The following SOX6 variants were observed in gnomAD, a reference collection of about 807,000 sequenced individuals.
The protein encoded by SOX6 is SRY-box transcription factor 6.
Under a neutral mutation model 97.8 loss-of-function variants are expected in SOX6, and 11 were observed. The ratio of observed to expected loss-of-function variants is 0.11; its 90% CI spans 0.07 to 0.19. The LOEUF (loss-of-function observed/expected upper bound fraction) is 0.19. SOX6 is among the 10% of genes least tolerant of loss of function. The probability of loss-of-function intolerance (pLI) is 1.00; values close to 1 mark genes in which losing one functional copy is unlikely to be tolerated. For synonymous variants in SOX6, 360 were observed against 371.4 expected (o/e 0.97, Z 0.35); for missense variants, 810 against 1,039.5 (o/e 0.78, Z 3.04).
At chr11:16,438,788 C>T (rs1467050649) in intron 1 of SOX6, among the ~76,000 whole-genome samples, 3 of 151,920 alleles carry the variant, frequency 2.0e-5, no homozygotes, top group Non-Finnish European at 4.4e-5. Context: ...AGTCCATGAT[C>T]AGGAAATCTT....
At chr11:16,032,008 A>T (rs1855389962) in intron 12 of SOX6, among the ~76,000 whole-genome samples, 1 of 152,084 alleles carries the variant, frequency 6.6e-6, no homozygotes, top group Non-Finnish European at 1.5e-5. Context: ...CTATAATATG[A>T]ATTTACTCTA....
intron 3 of SOX6, among the ~76,000 whole-genome samples, chr11:16,249,366 T>C (rs560948208): frequency 1.5e-4 from 23 of 152,318 alleles, no homozygotes; most frequent in African/African-American, 5.5e-4. Flanking sequence ...CTCTTTGTAA[T>C]GCAAAACAAG....
intron 1 of SOX6, among the ~76,000 whole-genome samples, chr11:16,350,336 G>A (rs1382569099): frequency 6.6e-6 from 1 of 152,218 alleles, no homozygotes; most frequent in Non-Finnish European, 1.5e-5. Context: ...GGGAAGTCCA[G>A]TCTCTAGCTG....
At chr11:16,371,594 C>T (rs1429932274) in intron 1 of SOX6, among the ~76,000 whole-genome samples, 2 of 152,014 alleles carry the variant, frequency 1.3e-5, no homozygotes, top group Admixed American at 1.3e-4. Context: ...ATAGTAAGTG[C>T]TCAGTAAACA....
intron 7 of SOX6, among the ~76,000 whole-genome samples, chr11:16,106,673 A>T (rs1166444422): frequency 1.3e-5 from 2 of 152,082 alleles, no homozygotes; most frequent in Non-Finnish European, 2.9e-5. Flanking sequence ...TCTTTATGAC[A>T]TTGGATTTGG....
chr11:16,474,440 T>C (rs538118278), intron 1 of SOX6, among the ~76,000 whole-genome samples: 1 of 152,196 alleles, frequency 6.6e-6, no homozygotes, highest in Non-Finnish European at 1.5e-5. Context: ...ACTTGAAAGT[T>C]GAAATTACTC....
intron 3 of SOX6, among the ~76,000 whole-genome samples, chr11:16,680,440 C>G (rs1847917645): frequency 6.6e-6 from 1 of 152,150 alleles, no homozygotes; most frequent in African/African-American, 2.4e-5. Flanking sequence ...GACTGCCTTA[C>G]AAGAGCTCCT....
chr11:16,606,666 G>C (rs763655740), intron 4 of SOX6, among the ~76,000 whole-genome samples: 1 of 152,214 alleles, frequency 6.6e-6, no homozygotes, highest in Non-Finnish European at 1.5e-5. Flanking sequence ...GAGGTGGGCC[G>C]AGAGGGCAGA....
chr11:16,118,052 T>C (rs1323511457), intron 6 of SOX6, among the ~76,000 whole-genome samples: 1 of 152,196 alleles, frequency 6.6e-6, no homozygotes. Flanking sequence ...GTAAAACTGA[T>C]TTTGCTAGCA....
intron 3 of SOX6, among the ~76,000 whole-genome samples, chr11:16,638,079 T>C (rs1209911749): frequency 8.6e-6 from 1 of 116,780 alleles, no homozygotes; most frequent in East Asian, 3.0e-4. Context: ...CAACAGGCCC[T>C]GGTGTGTGAT....
intron 6 of SOX6, among the ~76,000 whole-genome samples, chr11:16,172,137 C>A (rs970790269): frequency 6.6e-6 from 1 of 151,754 alleles, no homozygotes; most frequent in Non-Finnish European, 1.5e-5. Context: ...CATCTCTTTT[C>A]AAATGAAAAT....
chr11:16,636,026 G>A (rs1207722990), intron 3 of SOX6, among the ~76,000 whole-genome samples: 1 of 152,224 alleles, frequency 6.6e-6, no homozygotes, highest in Non-Finnish European at 1.5e-5. Flanking sequence ...GGGAAATGTG[G>A]GGTCAGAGCC....
chr11:16,136,211 G>A (rs940754246), intron 6 of SOX6, among the ~76,000 whole-genome samples: 1 of 151,768 alleles, frequency 6.6e-6, no homozygotes, highest in Non-Finnish European at 1.5e-5. Context: ...GTAGAGACGG[G>A]GTTTCACCAT....
chr11:16,503,321 A>G (rs1467526943), intron 4 of SOX6, among the ~76,000 whole-genome samples: 1 of 152,160 alleles, frequency 6.6e-6, no homozygotes, highest in Non-Finnish European at 1.5e-5. Flanking sequence ...AAGAATTCAA[A>G]TGTTACCACT....
At position 16,132,505 on chromosome 11, in the gene SOX6, A is replaced by AAAGAAAGAAAGAAAGC. The variant is rs1451899878; in HGVS notation, c.778-20583_778-20582insGCTTTCTTTCTTTCTT. ...GAAAGAAAGAAAGAAAGAAAGAAAGAAAGCTTATCTTTGTATCTAGGAAGA... is the reference window on the plus strand; with the variant it reads ...GAAAGAAAGAAAGAAAGAAAGAAAGAAAGAAAGAAAGAAAGCAAGCTTATCTTTGTATCTAGGAAGA... On this transcript the variant is annotated intron_variant, in intron 6 of 15. Coordinates refer to ENST00000683767, the MANE Select transcript of SOX6 (RefSeq NM_001367873.1). Among the ~76,000 whole-genome samples, 491 of 85,942 alleles carry AAAGAAAGAAAGAAAGC rather than the reference A, an allele frequency of 5.7e-3. 47 individuals are homozygous for AAAGAAAGAAAGAAAGC. The highest frequency in any genetic ancestry group is 7.7e-3 in the Non-Finnish European group (296 of 38,310). 56.4% of individuals were successfully genotyped at this position (85,942 alleles called of 152,430 possible). A position where few individuals can be genotyped will look rare whatever the true frequency, so the allele number is the denominator to read the frequency against.
chr11:16,600,738 T>G (rs1319531086), intron 4 of SOX6, among the ~76,000 whole-genome samples: 4 of 152,160 alleles, frequency 2.6e-5, no homozygotes, highest in Non-Finnish European at 5.9e-5. Flanking sequence ...TTTACCCTTT[T>G]CCACAGAACA....
chr11:16,623,080 GCTTGATCT>G (rs1462411452), intron 3 of SOX6, among the ~76,000 whole-genome samples: 2 of 151,858 alleles, frequency 1.3e-5, no homozygotes, highest in Non-Finnish European at 2.9e-5. Context: ...GAGTGCAGTG[GCTTGATCT>G]CTGCTCACTG....
At chr11:16,710,605 C>T (rs1017105539) in intron 3 of SOX6, among the ~76,000 whole-genome samples, 5 of 14,778 alleles carry the variant, frequency 3.4e-4, no homozygotes, top group Non-Finnish European at 6.2e-4. Flanking sequence ...ACCTCTTAGC[C>T]TCCAGTGTTG....
intron 1 of SOX6, among the ~76,000 whole-genome samples, chr11:16,409,193 T>C (rs1221135291): frequency 6.6e-6 from 1 of 151,734 alleles, no homozygotes; most frequent in Non-Finnish European, 1.5e-5. Flanking sequence ...CAAAATAATT[T>C]CATTGCTATG....
Sources: gnomAD v4.1 joint callset for allele counts (sites outside exome capture counted in the v4.1 genomes callset) on GRCh38, gnomAD v4.1.1 for gene constraint, MANE v1.5 for transcripts, NCBI Gene and HGNC (gene_info 2026-07-23, HGNC 2026-07-21) for gene names.